Variants in GALNT1 observed in about 807,000 individuals in gnomAD.
The protein encoded by GALNT1 is GalNAc transferase 1.
In GALNT1, 17 loss-of-function variants were observed where a neutral mutation model predicts 65.7. That is an observed-to-expected ratio of 0.26 (90% CI 0.18 to 0.39). The LOEUF is 0.39. Ranked by LOEUF, GALNT1 falls within the 10% of genes least tolerant of loss-of-function variation. The pLI, the probability that GALNT1 is intolerant of heterozygous loss-of-function variation, is 1.00. For missense variants in GALNT1, 460 were observed against 672.8 expected, an observed-to-expected ratio of 0.68 and a Z score of 3.50; for synonymous variants, 210 against 219.7, an observed-to-expected ratio of 0.96 and a Z score of 0.39.
At chr18:35,674,068 A>G (rs1463732315) in intron 3 of GALNT1, among the ~76,000 whole-genome samples, 1 of 152,190 alleles carries the variant, frequency 6.6e-6, no homozygotes, top group Non-Finnish European at 1.5e-5. Flanking sequence ...GAAAAGATAC[A>G]GTATAAATAT....
chr18:35,594,368 T>C (rs2046479863), intron 1 of GALNT1, among the ~76,000 whole-genome samples: 1 of 152,140 alleles, frequency 6.6e-6, no homozygotes, highest in Non-Finnish European at 1.5e-5. Flanking sequence ...GGGATTTCTC[T>C]GTAGAGAGGC....
intron 6 of GALNT1, among the ~76,000 whole-genome samples, chr18:35,688,568 G>GCAGAAAATATACCA (rs1247629897): frequency 9.9e-5 from 15 of 151,902 alleles, no homozygotes; most frequent in Non-Finnish European, 1.5e-5. Context: ...CTCCTCTTTT[G>GCAGAAAATATACCA]CAGAAAATAT....
intron 3 of GALNT1, among the ~76,000 whole-genome samples, chr18:35,673,427 A>G (rs974045139): frequency 6.6e-5 from 10 of 152,210 alleles, no homozygotes; most frequent in Admixed American, 5.9e-4. Context: ...ATCATGAGCA[A>G]TCTACTTTAT....
At chr18:35,669,817 T>C (rs1568028632) in intron 3 of GALNT1, among the ~76,000 whole-genome samples, 1 of 152,196 alleles carries the variant, frequency 6.6e-6, no homozygotes, top group Non-Finnish European at 1.5e-5. Context: ...AGTGTCTTAC[T>C]GGAGGTCTTA....
intron 1 of GALNT1, among the ~76,000 whole-genome samples, chr18:35,650,988 A>AG (rs2047304603): frequency 6.6e-6 from 1 of 152,212 alleles, no homozygotes; most frequent in African/African-American, 2.4e-5. Context: ...ATTTGTTCAG[A>AG]GATTGCAGTA....
chr18:35,625,183 A>G (rs1484300819), intron 1 of GALNT1, among the ~76,000 whole-genome samples: 1 of 152,184 alleles, frequency 6.6e-6, no homozygotes, highest in East Asian at 1.9e-4. Flanking sequence ...GATGTTTACA[A>G]TCTAACCAAA....
chr18:35,707,379 G>C (rs973837606), intron 11 of GALNT1, among the ~76,000 whole-genome samples: 1 of 152,164 alleles, frequency 6.6e-6, no homozygotes, highest in East Asian at 1.9e-4. Flanking sequence ...AGCTCTCTCT[G>C]AATGGAGACT....
At chr18:35,622,215 T>A (rs1444667253) in intron 1 of GALNT1, among the ~76,000 whole-genome samples, 1 of 152,232 alleles carries the variant, frequency 6.6e-6, no homozygotes, top group African/African-American at 2.4e-5. Flanking sequence ...TTTTTGTAGA[T>A]CTTTCTAAGC....
intron 9 of GALNT1, among the ~76,000 whole-genome samples, chr18:35,695,449 G>A (rs2048040328): frequency 6.6e-6 from 1 of 152,164 alleles, no homozygotes; most frequent in East Asian, 1.9e-4. Flanking sequence ...TGGGCTGAGA[G>A]TGAAGAAGGT....
intron 1 of GALNT1, 86 bp from the exon 2 acceptor site, chr18:35,654,474 A>C: frequency 5.0e-6 from 1 of 198,232 alleles, no homozygotes; most frequent in Non-Finnish European, 9.9e-6. Context: ...ATATTACTTA[A>C]TGTTTATAAT....
chr18:35,630,280 C>A (rs2046988145), intron 1 of GALNT1, among the ~76,000 whole-genome samples: 1 of 152,148 alleles, frequency 6.6e-6, no homozygotes, highest in South Asian at 2.1e-4. Context: ...GCAGTTACTC[C>A]AAAATTGATC....
At chr18:35,590,209 A>C (rs578125388) in intron 1 of GALNT1, among the ~76,000 whole-genome samples, 1 of 152,130 alleles carries the variant, frequency 6.6e-6, no homozygotes, top group Non-Finnish European at 1.5e-5. Context: ...CGGTGATGAG[A>C]GTTGAGAGTG....
chr18:35,596,695 C>T (rs1301258300), intron 1 of GALNT1: 3 of 152,198 alleles, frequency 2.0e-5, no homozygotes, highest in Non-Finnish European at 4.4e-5. Flanking sequence ...CACTTCCTCC[C>T]ATGCAACTCA....
At chr18:35,622,702 A>G (rs539454863) in intron 1 of GALNT1, among the ~76,000 whole-genome samples, 4 of 152,056 alleles carry the variant, frequency 2.6e-5, no homozygotes, top group Non-Finnish European at 4.4e-5. Context: ...CTTCTTTCTG[A>G]TTCTAAATCT....
chr18:35,675,535 A>T (rs965853256), intron 3 of GALNT1, among the ~76,000 whole-genome samples: 22 of 152,146 alleles, frequency 1.4e-4, no homozygotes, highest in Non-Finnish European at 2.8e-4. Context: ...TTATTCTTTA[A>T]CATATTATAC....
At chr18:35,668,977 C>CAGG (rs1251839300) in intron 3 of GALNT1, among the ~76,000 whole-genome samples, 1 of 152,204 alleles carries the variant, frequency 6.6e-6, no homozygotes, top group Admixed American at 6.5e-5. Flanking sequence ...CGCACTGACT[C>CAGG]ACGCCTGTAA....
chr18:35,692,451 C>A, intron 9 of GALNT1, 131 bp downstream of exon 9: 1 of 535,572 alleles, frequency 1.9e-6, no homozygotes, highest in Non-Finnish European at 3.0e-6. Flanking sequence ...CTCTTGCTTC[C>A]TTCCTCCTTC....
At chr18:35,645,248 G>C (rs7235944) in intron 1 of GALNT1, among the ~76,000 whole-genome samples, 1 of 108,470 alleles carries the variant, frequency 9.2e-6, no homozygotes, top group East Asian at 2.7e-4. Flanking sequence ...TTTTTTTCTG[G>C]GAGATGGAGT....
At chr18:35,612,634 G>T (rs1212174807) in intron 1 of GALNT1, among the ~76,000 whole-genome samples, 1 of 152,190 alleles carries the variant, frequency 6.6e-6, no homozygotes, top group Non-Finnish European at 1.5e-5. Flanking sequence ...GGGAGGCCAA[G>T]GCATGGATCA....
Sources: allele counts gnomAD v4.1 joint callset (sites outside exome capture counted in the v4.1 genomes callset), GRCh38; gene constraint gnomAD v4.1.1; transcripts MANE v1.5; gene names NCBI Gene and HGNC (gene_info 2026-07-23, HGNC 2026-07-21).